The following FCER1A variants were observed in gnomAD, a reference collection of about 807,000 sequenced individuals.
FCER1A encodes the protein Fc epsilon receptor Ia, also known as high affinity immunoglobulin epsilon receptor subunit alpha.
In FCER1A, 24 loss-of-function variants were observed where a neutral mutation model predicts 23.6. The ratio of observed to expected loss-of-function variants is 1.02; its 90% confidence interval spans 0.74 to 1.43. The LOEUF is 1.43. Ranked by LOEUF, FCER1A falls within the 40% of genes most tolerant of loss-of-function variation. The probability of loss-of-function intolerance (pLI) is 0.00; values close to 1 mark genes in which losing one functional copy is unlikely to be tolerated. For synonymous variants in FCER1A, 121 were observed against 108.8 expected (o/e 1.11, Z -0.70); for missense variants, 318 against 294.5 (o/e 1.08, Z -0.58).
upstream of FCER1A, among the ~76,000 whole-genome samples, chr1:159,298,574 G>A (rs918247768): frequency 2.3e-4 from 35 of 152,246 alleles, no homozygotes; most frequent in African/African-American, 7.9e-4. Flanking sequence ...AAATCTAACA[G>A]GCAGTCAGCA....
rs533583312 is a variant in FCER1A, at chr1:159,306,103, T to A, written c.447T>A (p.Gly149=). 1.2e-6 allele frequency: 2 copies of A among 1,614,154 alleles called. No homozygotes were observed. Among genetic ancestry groups the A allele is most frequent in the East Asian group, 2.2e-5 (1 of 44,872 alleles). The change falls in exon 4 of 5, where the codon GGT becomes GGA. Residue 149 remains glycine (G), a synonymous_variant. Coordinates refer to ENST00000693622, the MANE Select transcript of FCER1A (RefSeq NM_001387280.1). The stretch of plus-strand genomic sequence containing the variant: ...ACAAGGTGATCTATTATAAGGATGG[T>A]GAAGCTCTCAAGTACTGGTATGAGA... ...DVYKVIYYKD[G]EALKYWYENH...
chr1:159,295,476 G>A (rs16841987), intron 1 of FCER1A, among the ~76,000 whole-genome samples: 23,411 of 152,044 alleles, frequency 0.15, 1,923 homozygotes, highest in Admixed American at 0.18. Context: ...AATGAAAAAC[G>A]TACAAATTTT....
At chr1:159,284,919 G>A (rs985581950), upstream of FCER1A, among the ~76,000 whole-genome samples, 4 of 152,054 alleles carry the variant, frequency 2.6e-5, no homozygotes, top group African/African-American at 9.7e-5. Context: ...TTTATTACAG[G>A]AATGCTCTTT....
At chr1:159,290,491 T>G (rs1571074525) in intron 1 of FCER1A, among the ~76,000 whole-genome samples, 1 of 152,292 alleles carries the variant, frequency 6.6e-6, no homozygotes, top group Admixed American at 6.5e-5. Flanking sequence ...AACTCTCAAC[T>G]TATTGGAGGG....
upstream of FCER1A, among the ~76,000 whole-genome samples, chr1:159,301,842 C>T (rs1268799739): frequency 6.6e-6 from 1 of 152,106 alleles, no homozygotes; most frequent in Non-Finnish European, 1.5e-5. Context: ...ATAGTTGGCA[C>T]CCCAAAACAA....
the FCER1A span, among the ~76,000 whole-genome samples, chr1:159,284,484 C>G: frequency 3.9e-5 from 6 of 152,358 alleles, no homozygotes; most frequent in Non-Finnish European, 7.3e-5. Flanking sequence ...TAAAAGGGGA[C>G]AAGCCCACAA....
chr1:159,304,664 C>G (rs1652546756), intron 3 of FCER1A, among the ~76,000 whole-genome samples: 1 of 152,238 alleles, frequency 6.6e-6, no homozygotes, highest in South Asian at 2.1e-4. Context: ...TACCCCCTTC[C>G]CTTTTGATTA....
chr1:159,296,814 T>C (rs375894389), intron 1 of FCER1A, among the ~76,000 whole-genome samples: 23 of 152,294 alleles, frequency 1.5e-4, no homozygotes, highest in African/African-American at 5.5e-4. Context: ...AACTTACATT[T>C]CCTAAAGGCC....
intron 1 of FCER1A, 58 bp from the exon 2 acceptor site, chr1:159,302,796 T>C: frequency 5.3e-6 from 8 of 1,501,194 alleles, no homozygotes; most frequent in Non-Finnish European, 7.4e-6. Flanking sequence ...CAGATTCTAG[T>C]CCTCTGGAGA....
intron 3 of FCER1A, among the ~76,000 whole-genome samples, chr1:159,304,631 A>G (rs1271082570): frequency 1.3e-5 from 2 of 152,166 alleles, no homozygotes; most frequent in African/African-American, 4.8e-5. Context: ...TAAATAAAAA[A>G]GACCCCTGCA....
upstream of FCER1A, among the ~76,000 whole-genome samples, chr1:159,284,764 C>T (rs150102147): frequency 4.3e-4 from 66 of 152,144 alleles, 1 homozygote; most frequent in African/African-American, 1.5e-3. Context: ...ACTTTTGTAG[C>T]CTTTCTTCTT....
chr1:159,296,544 C>A (rs1395460717), intron 1 of FCER1A, among the ~76,000 whole-genome samples: 1 of 152,148 alleles, frequency 6.6e-6, no homozygotes. Flanking sequence ...ATGGTAGTTT[C>A]TTTTCTGTAA....
intron 4 of FCER1A, among the ~76,000 whole-genome samples, chr1:159,307,252 A>G (rs1024299157): frequency 2.0e-5 from 3 of 152,236 alleles, no homozygotes. Flanking sequence ...ATTTGAGACT[A>G]ATCACAAAAA....
In FCER1A at chr1:159,307,812, G is replaced by C. The variant is rs780281986; in HGVS notation, c.654G>C (p.Val218=). 4 of 1,612,982 alleles carry C rather than the reference G, an allele frequency of 2.5e-6. No homozygotes were observed. In the Admixed American group the frequency reaches 6.7e-5, roughly 27 times the overall value. The change falls in exon 5 of 5, where the codon GTG becomes GTC. Residue 218 remains valine, a synonymous_variant. Transcript: ENST00000693622. ...TGTTGGTGGTGATTCTGTTTGCTGT[G>C]GACACAGGATTATTTATCTCAACTC... The part of the protein sequence containing the change: ...IPLLVVILFA[V]DTGLFISTQQ...
chr1:159,307,736 G>A lies in FCER1A; in HGVS notation c.590-12G>A, dbSNP rs996907435. On this transcript the variant is annotated splice_polypyrimidine_tract_variant and intron_variant, in intron 4 of 4. Transcript: ENST00000693622. The stretch of plus-strand genomic sequence containing the variant: ...GAATTATGTTTCTCATTGCATCTGT[G>A]TTCCACTACAGCTCCGCGTGAGAAG... The A allele has an allele frequency of 1.9e-6, 3 of 1,573,084 alleles. No individual in the cohort carries two copies. The highest frequency in any genetic ancestry group is 2.6e-6 in the Non-Finnish European group (3 of 1,148,736).
intron 4 of FCER1A, among the ~76,000 whole-genome samples, chr1:159,306,662 C>G (rs1048251726): frequency 1.3e-5 from 2 of 152,038 alleles, no homozygotes; most frequent in African/African-American, 2.4e-5. Context: ...TTGAGGAGCC[C>G]ATTCCAGCTT....
chr1:159,298,666 C>T (rs1557968281), upstream of FCER1A, among the ~76,000 whole-genome samples: 1 of 152,164 alleles, frequency 6.6e-6, no homozygotes, highest in Non-Finnish European at 1.5e-5. Context: ...ATCCTCCTGG[C>T]CCTAATATAG....
upstream of FCER1A, among the ~76,000 whole-genome samples, chr1:159,298,153 A>G (rs1652342154): frequency 6.6e-6 from 1 of 151,168 alleles, no homozygotes; most frequent in South Asian, 2.1e-4. Context: ...AAGATGCTTC[A>G]TCGGCAAAGT....
chr1:159,301,977 A>G (rs1442304983), upstream of FCER1A, among the ~76,000 whole-genome samples: 1 of 152,206 alleles, frequency 6.6e-6, no homozygotes, highest in Non-Finnish European at 1.5e-5. Context: ...AACACCTGGC[A>G]TATGTTTGGT....
Sources: gnomAD v4.1 joint callset for allele counts (sites outside exome capture counted in the v4.1 genomes callset) on GRCh38, gnomAD v4.1.1 for gene constraint, MANE v1.5 for transcripts, NCBI Gene and HGNC (gene_info 2026-07-23, HGNC 2026-07-21) for gene names.